Variants in GLI3 observed in about 807,000 individuals in gnomAD.
The protein encoded by GLI3 is GLI family zinc finger 3, also known as transcription activator GLI3.
Under a neutral mutation model 100.8 loss-of-function variants are expected in GLI3, and 20 were observed. The observed-to-expected ratio is 0.20, with a 90% confidence interval of 0.14 to 0.29. The LOEUF is 0.29. GLI3 is among the 10% of genes least tolerant of loss of function. The pLI, the probability that GLI3 is intolerant of heterozygous loss-of-function variation, is 1.00. For synonymous variants in GLI3, 938 were observed against 860.5 expected, an observed-to-expected ratio of 1.09 and a Z score of -1.58; for missense variants, 2,040 against 2,128.5, an observed-to-expected ratio of 0.96 and a Z score of 0.82.
intron 2 of GLI3, among the ~76,000 whole-genome samples, chr7:42,155,206 G>A (rs772771185): frequency 2.6e-5 from 4 of 152,058 alleles, no homozygotes; most frequent in Admixed American, 6.6e-5. Context: ...TTGGGAGGCC[G>A]AGGTGGGCAG....
chr7:42,075,129 A>G (rs1784853792), intron 4 of GLI3, among the ~76,000 whole-genome samples: 1 of 152,190 alleles, frequency 6.6e-6, no homozygotes, highest in Non-Finnish European at 1.5e-5. Flanking sequence ...TAGAACCAAG[A>G]CTTGGGGTTT....
intron 3 of GLI3, among the ~76,000 whole-genome samples, chr7:42,088,224 T>C (rs1785145081): frequency 6.6e-6 from 1 of 152,134 alleles, no homozygotes; most frequent in Non-Finnish European, 1.5e-5. Flanking sequence ...TCTGAAGGAG[T>C]CCGAAATACC....
chr7:42,035,337 T>G (rs1224183848), intron 7 of GLI3, among the ~76,000 whole-genome samples: 2 of 152,206 alleles, frequency 1.3e-5, no homozygotes, highest in African/African-American at 4.8e-5. Flanking sequence ...ACCTGCCAGA[T>G]GCACCCTTAC....
At chr7:42,103,542 G>A (rs1785511654) in intron 3 of GLI3, among the ~76,000 whole-genome samples, 1 of 151,994 alleles carries the variant, frequency 6.6e-6, no homozygotes, top group South Asian at 2.1e-4. Flanking sequence ...TATGTAATTG[G>A]GGAACCAAGA....
intron 2 of GLI3, among the ~76,000 whole-genome samples, chr7:42,213,263 G>C (rs1343365974): frequency 6.6e-6 from 1 of 152,218 alleles, no homozygotes; most frequent in Non-Finnish European, 1.5e-5. Flanking sequence ...TGGCCAAGAA[G>C]AAAGTCCTTG....
intron 10 of GLI3, among the ~76,000 whole-genome samples, chr7:41,990,867 TGTG>T (rs1229588278): frequency 8.7e-6 from 1 of 114,596 alleles, no homozygotes. Flanking sequence ...TTAAGGCAAG[TGTG>T]TGTGTGTGTG....
chr7:42,195,252 A>T (rs1787907259), intron 2 of GLI3, among the ~76,000 whole-genome samples: 1 of 152,170 alleles, frequency 6.6e-6, no homozygotes, highest in African/African-American at 2.4e-5. Flanking sequence ...CCATCCTTGA[A>T]CACTGTCATG....
chr7:42,163,522 G>A (rs902416008), intron 2 of GLI3, among the ~76,000 whole-genome samples: 1 of 151,502 alleles, frequency 6.6e-6, no homozygotes, highest in Non-Finnish European at 1.5e-5. Context: ...TCCATCTCCT[G>A]GGTTCAAGCG....
chr7:42,004,495 G>A (rs556630156), intron 10 of GLI3, among the ~76,000 whole-genome samples: 1 of 151,890 alleles, frequency 6.6e-6, no homozygotes, highest in East Asian at 1.9e-4. Context: ...GCTATTAAAA[G>A]CAATGACCAG....
intron 11 of GLI3, 74 bp from the exon 12 acceptor site, chr7:41,977,796 T>C: frequency 1.5e-6 from 2 of 1,360,442 alleles, no homozygotes; most frequent in Non-Finnish European, 2.1e-6. Flanking sequence ...GCCCTCCAAG[T>C]TGATGAAAAA....
chr7:42,036,628 T>C (rs1789445677), intron 7 of GLI3, among the ~76,000 whole-genome samples: 1 of 152,170 alleles, frequency 6.6e-6, no homozygotes, highest in Admixed American at 6.5e-5. Flanking sequence ...ACTGAATGAG[T>C]ATCTTTAAAC....
intron 7 of GLI3, among the ~76,000 whole-genome samples, chr7:42,036,326 G>A (rs1028774290): frequency 6.6e-6 from 1 of 152,182 alleles, no homozygotes; most frequent in Non-Finnish European, 1.5e-5. Context: ...ATAAGGGGAT[G>A]ATGAGAATTC....
chr7:42,138,888 G>T (rs2128781269), intron 3 of GLI3, among the ~76,000 whole-genome samples: 1 of 152,300 alleles, frequency 6.6e-6, no homozygotes, highest in East Asian at 1.9e-4. Flanking sequence ...AATGTCCACT[G>T]ATTAGGCCTG....
At chr7:42,249,361 A>G (rs1789007813) in intron 1 of GLI3, among the ~76,000 whole-genome samples, 1 of 152,176 alleles carries the variant, frequency 6.6e-6, no homozygotes. Context: ...ATGTGTCACA[A>G]AATGTTATTC....
chr7:42,160,058 A>T (rs1787096520), intron 2 of GLI3, among the ~76,000 whole-genome samples: 2 of 152,212 alleles, frequency 1.3e-5, no homozygotes, highest in South Asian at 4.1e-4. Context: ...AAAATATATC[A>T]GGTTGTCAGC....
intron 1 of GLI3, among the ~76,000 whole-genome samples, chr7:42,249,025 G>T (rs1789004227): frequency 6.6e-6 from 1 of 152,094 alleles, no homozygotes; most frequent in Non-Finnish European, 1.5e-5. Context: ...TTGATTACAG[G>T]CATGAGCCAC....
At position 42,097,041 on chromosome 7, in the gene GLI3, GC is replaced by G. The variant is rs562011825; in HGVS notation, c.368-20185del. 1.6e-3 allele frequency among the ~76,000 whole-genome samples: 238 copies of G among 152,228 alleles called. 1 individual carries two copies. Among genetic ancestry groups the G allele is most frequent in the African/African-American group, 5.6e-3 (231 of 41,536 alleles). ...CCTGAATTCAGCCTCTTTATTTATA[GC>G]CCCAGACTAGGCATGCAGTGGGAAA... is the stretch of plus-strand genomic sequence containing the variant. On this transcript the variant is annotated intron_variant, in intron 3 of 14. Coordinates refer to ENST00000395925, the MANE Select transcript of GLI3 (RefSeq NM_000168.6).
intron 3 of GLI3, among the ~76,000 whole-genome samples, chr7:42,117,549 G>C (rs916519962): frequency 6.6e-6 from 1 of 152,164 alleles, no homozygotes; most frequent in Non-Finnish European, 1.5e-5. Context: ...TGATGGGTGC[G>C]ATTCTGACCC....
chr7:41,964,662 C>T lies in GLI3; in HGVS notation c.4411G>A (p.Gly1471Arg). ...SISDASCLLQ[G>R]TSAKNSELLS... Reference sequence around the variant, plus strand: ...AACTCAGAGTTTTTGGCGCTGGTCCCCTGTAGCAGGCAGCTGGCGTCTGAA... The same window carrying T: ...AACTCAGAGTTTTTGGCGCTGGTCCTCTGTAGCAGGCAGCTGGCGTCTGAA... Residue 1471 changes from glycine to arginine, a missense_variant, in exon 15 of 15, where the codon GGG becomes AGG. By Grantham distance (125) the Gly-to-Arg change is moderately radical. Transcript: ENST00000395925. 1.2e-6 allele frequency: 2 copies of T among 1,614,094 alleles called. No individual in the cohort carries two copies. Among genetic ancestry groups the T allele is most frequent in the Non-Finnish European group, 1.7e-6 (2 of 1,179,906 alleles).
Sources: gnomAD v4.1 joint callset for allele counts (sites outside exome capture counted in the v4.1 genomes callset) on GRCh38, gnomAD v4.1.1 for gene constraint, MANE v1.5 for transcripts, NCBI Gene and HGNC (gene_info 2026-07-23, HGNC 2026-07-21) for gene names.